FBXL2: variants seen among roughly 807,000 people sequenced by gnomAD.
FBXL2 encodes the protein F-box and leucine rich repeat protein 2.
A neutral mutation model predicts 69.2 loss-of-function variants in FBXL2; 38 were observed. The observed-to-expected ratio is 0.55, with a 90% CI of 0.42 to 0.72. The LOEUF (loss-of-function observed/expected upper bound fraction) is 0.72. FBXL2 is among the 30% of genes least tolerant of loss of function. The probability of loss-of-function intolerance (pLI) is 0.00; values close to 1 mark genes in which losing one functional copy is unlikely to be tolerated. For missense variants in FBXL2, 354 were observed against 520.3 expected, an observed-to-expected ratio of 0.68 and a Z score of 3.11; for synonymous variants, 192 against 201.3, an observed-to-expected ratio of 0.95 and a Z score of 0.39.
rs1378218253 is a variant in FBXL2 at position 33,388,047 on chromosome 3, G to GTGAC, written c.*2440_*2443dup. On this transcript the variant is annotated 3_prime_UTR_variant, in exon 15 of 15. Transcript: ENST00000484457. Reference sequence around the variant, plus strand: ...ATTGCGCCACTGCACTCCAGCCTGGGTGACAGAGCCAGACTCCGTCTCAAA... The same window carrying GTGAC: ...ATTGCGCCACTGCACTCCAGCCTGGGTGACTGACAGAGCCAGACTCCGTCTCAAA... 3 of 147,828 alleles carry GTGAC rather than the reference G, an allele frequency of 2.0e-5. No homozygotes were observed. Among genetic ancestry groups the GTGAC allele is most frequent in the Non-Finnish European group, 4.5e-5 (3 of 67,284 alleles). The allele number at this position is 147,828 out of a possible 1,614,324, so 9.2% of individuals were successfully genotyped here.
Position 33,385,930 on chromosome 3 carries a change from C to T in FBXL2, c.*322C>T. ...AAAGTTCTACCCTTGGCATACTCAG[C>T]ATTCCTCAAAAAGACCATCAGTGTT... On this transcript the variant is annotated 3_prime_UTR_variant, in exon 15 of 15. Transcript: ENST00000484457. The T allele has an allele frequency of 3.1e-6, 1 of 319,998 alleles. No individual in the cohort carries two copies. Among genetic ancestry groups the T allele is most frequent in the East Asian group, 7.4e-5 (1 of 13,432 alleles). The allele number at this position is 319,998 out of a possible 1,614,324, so 19.8% of individuals were successfully genotyped here. A position where few individuals can be genotyped will look rare whatever the true frequency, so the allele number is the denominator to read the frequency against.
At chr3:33,303,257 C>T in intron 2 of FBXL2, 1 of 444,898 alleles carries the variant, frequency 2.2e-6, no homozygotes, top group Non-Finnish European at 4.5e-6. Context: ...GGTTGGTTTG[C>T]TCGCTCTCGT....
chr3:33,364,818 C>G (rs1448477349), intron 5 of FBXL2, 99 bp downstream of exon 5: 41 of 1,082,278 alleles, frequency 3.8e-5, no homozygotes, highest in Non-Finnish European at 5.5e-5. Flanking sequence ...TGTTAAAATT[C>G]TTTCTGTGGT....
At chr3:33,409,817 T>C in the FBXL2 span, among the ~76,000 whole-genome samples, 1 of 152,198 alleles carries the variant, frequency 6.6e-6, no homozygotes, top group Admixed American at 6.5e-5. Context: ...CTTTCTGAGC[T>C]CTTGCCCATC....
chr3:33,352,746 A>T (rs2040911451), intron 2 of FBXL2, among the ~76,000 whole-genome samples: 1 of 152,150 alleles, frequency 6.6e-6, no homozygotes, highest in Non-Finnish European at 1.5e-5. Context: ...AAATACAAAA[A>T]TTAGCTGGGT....
At chr3:33,416,451 T>C in the FBXL2 span, among the ~76,000 whole-genome samples, 49 of 152,336 alleles carry the variant, frequency 3.2e-4, no homozygotes, top group African/African-American at 9.9e-4. Context: ...TATGCCAACA[T>C]TGACATTCTT....
chr3:33,347,329 A>G (rs1559581695), intron 2 of FBXL2, among the ~76,000 whole-genome samples: 1 of 152,208 alleles, frequency 6.6e-6, no homozygotes, highest in East Asian at 1.9e-4. Context: ...GAATGTATAT[A>G]TGTTGGATGT....
chr3:33,411,520 C>T, the FBXL2 span: 5 of 1,419,674 alleles, frequency 3.5e-6, no homozygotes, highest in African/African-American at 7.1e-5. Context: ...ATCAAAAATT[C>T]AATCCTACCA....
chr3:33,312,356 G>A (rs1468456941), intron 2 of FBXL2, among the ~76,000 whole-genome samples: 2 of 152,188 alleles, frequency 1.3e-5, no homozygotes, highest in African/African-American at 4.8e-5. Flanking sequence ...ACTGCACCTG[G>A]CCTATTTCTA....
At position 33,370,419 on chromosome 3, in the gene FBXL2, A is replaced by AAAAAT. The variant is rs1273191019; in HGVS notation, c.291-2669_291-2668insTAAAA. Among the ~76,000 whole-genome samples, 267 of 127,948 alleles carry AAAAAT rather than the reference A, an allele frequency of 2.1e-3. 5 individuals are homozygous for AAAAAT. Among genetic ancestry groups the AAAAAT allele is most frequent in the African/African-American group, 6.8e-3 (258 of 38,118 alleles). 83.9% of individuals were successfully genotyped at this position (127,948 alleles called of 152,430 possible). ...GGTGACAGAGCGAGACTCCGTCTCA[A>AAAAAT]AAAAAAAAAAAAATTGCTGAGTCTA... On this transcript the variant is annotated intron_variant, in intron 5 of 14. Coordinates refer to ENST00000484457, the MANE Select transcript of FBXL2 (RefSeq NM_012157.5).
chr3:33,317,526 G>C (rs1232974784), intron 2 of FBXL2: 1 of 456,558 alleles, frequency 2.2e-6, no homozygotes, highest in Admixed American at 2.3e-5. Context: ...TAAAAAGGAA[G>C]AATGGAAGAC....
chr3:33,339,753 C>T (rs1037319312), intron 2 of FBXL2, among the ~76,000 whole-genome samples: 7 of 152,132 alleles, frequency 4.6e-5, no homozygotes, highest in Non-Finnish European at 7.3e-5. Context: ...CTCTCCAACC[C>T]TTTAGTCTAA....
At chr3:33,367,682 T>C (rs2042042937) in intron 5 of FBXL2, among the ~76,000 whole-genome samples, 1 of 152,088 alleles carries the variant, frequency 6.6e-6, no homozygotes, top group African/African-American at 2.4e-5. Flanking sequence ...CCATTTTTCA[T>C]TGTTTTTCTG....
chr3:33,298,167 G>A (rs2035916901), intron 2 of FBXL2, among the ~76,000 whole-genome samples: 1 of 152,158 alleles, frequency 6.6e-6, no homozygotes, highest in South Asian at 2.1e-4. Flanking sequence ...TTAAAATGCT[G>A]TCAACCCCAA....
At chr3:33,420,538 G>A in the FBXL2 span, among the ~76,000 whole-genome samples, 3 of 147,630 alleles carry the variant, frequency 2.0e-5, no homozygotes, top group Admixed American at 2.1e-4. Context: ...CATCAGGCTG[G>A]AGTGCAGTGG....
rs1028222915 is a variant in FBXL2 at position 33,396,553 on chromosome 3, T to G, written n.1215-6681T>G. On this transcript the variant is annotated intron_variant and non_coding_transcript_variant, in intron 12 of 12. Coordinates refer to the FBXL2 transcript ENST00000463736. ...AAGTTTCAAGATTAAGTCAGCAAAT[T>G]AAAAATCAGTAAGATTCAATTTTAA... The G allele has an allele frequency of 6.9e-6, 3 of 435,026 alleles. No individual in the cohort carries two copies. In the South Asian group the frequency reaches 8.2e-5, roughly 12 times the overall value. The allele number at this position is 435,026 out of a possible 1,614,324, so 26.9% of individuals were successfully genotyped here. A position where few individuals can be genotyped will look rare whatever the true frequency, so the allele number is the denominator to read the frequency against.
chr3:33,325,923 A>G (rs1030645921), intron 2 of FBXL2, among the ~76,000 whole-genome samples: 1 of 152,212 alleles, frequency 6.6e-6, no homozygotes, highest in Non-Finnish European at 1.5e-5. Context: ...ATTTAGCTCT[A>G]ACTTCCCCTT....
At position 33,387,429 on chromosome 3, in the gene FBXL2, C is replaced by CCAT. The variant is rs1353476530; in HGVS notation, c.*1823_*1825dup. 7 of 152,098 alleles carry CCAT rather than the reference C, an allele frequency of 4.6e-5. No individual in the cohort carries two copies. Among genetic ancestry groups the CCAT allele is most frequent in the African/African-American group, 1.4e-4 (6 of 41,382 alleles). The allele number at this position is 152,098 out of a possible 1,614,324, so 9.4% of individuals were successfully genotyped here. A position where few individuals can be genotyped will look rare whatever the true frequency, so the allele number is the denominator to read the frequency against. ...CCAGCCTGGCCAACACAGTAAAACC[C>CCAT]CATCTCTACTGAAAATACAAAAATT... On this transcript the variant is annotated 3_prime_UTR_variant, in exon 15 of 15. Coordinates refer to ENST00000484457, the MANE Select transcript of FBXL2 (RefSeq NM_012157.5).
At chr3:33,405,319 T>C (rs561433300), downstream of FBXL2, among the ~76,000 whole-genome samples, 1 of 152,182 alleles carries the variant, frequency 6.6e-6, no homozygotes, top group African/African-American at 2.4e-5. Context: ...ATTTTTTGAA[T>C]GAACAATAGC....
Sources: gnomAD v4.1 joint callset for allele counts (sites outside exome capture counted in the v4.1 genomes callset) on GRCh38, gnomAD v4.1.1 for gene constraint, MANE v1.5 for transcripts, NCBI Gene and HGNC (gene_info 2026-07-23, HGNC 2026-07-21) for gene names.